Variants in RIMS1 observed in about 807,000 individuals in gnomAD.
RIMS1 encodes the protein regulating synaptic membrane exocytosis 1.
Under a neutral mutation model 214.1 loss-of-function variants are expected in RIMS1, and 83 were observed. That is an observed-to-expected ratio of 0.39 (90% CI 0.32 to 0.47). RIMS1 has a LOEUF of 0.47. Ranked by LOEUF, RIMS1 falls within the 20% of genes least tolerant of loss-of-function variation. RIMS1 has a pLI of 0.99. For missense variants in RIMS1, 2,050 were observed against 2,161.8 expected (o/e 0.95, Z 1.03); for synonymous variants, 793 against 786.8 (o/e 1.01, Z -0.13).
rs533832619 is a variant in RIMS1, at chr6:71,928,007, G to A, written c.164+40820G>A. ...ATGGTCTGCAGAAATTGTAGAAATC[G>A]GAATCTTACATTTTTCAAATAATAG... On this transcript the variant is annotated intron_variant, in intron 1 of 33. Transcript: ENST00000521978. Among the ~76,000 whole-genome samples, 36 of 152,076 alleles carry A rather than the reference G, an allele frequency of 2.4e-4. No homozygotes were observed. The South Asian group carries it at 6.2e-3, about 26-fold the overall frequency.
rs1447720282 is a variant in RIMS1, at chr6:72,252,755, G to A, written c.2699-6G>A. ...AGAAGTATCTCTTTGCCTTACTGTT[G>A]TGCAGGATCTCAGCGAATCAGTGAT... On this transcript the variant is annotated splice_region_variant and splice_polypyrimidine_tract_variant and intron_variant, in intron 15 of 33. Transcript: ENST00000521978. 2.6e-6 allele frequency: 4 copies of A among 1,556,354 alleles called. No homozygotes were observed. The highest frequency in any genetic ancestry group is 3.5e-6 in the Non-Finnish European group (4 of 1,148,696).
intron 1 of RIMS1, among the ~76,000 whole-genome samples, chr6:71,940,187 CT>C (rs1224353955): frequency 6.6e-5 from 10 of 152,164 alleles, no homozygotes; most frequent in Admixed American, 1.3e-4. Context: ...TTCTGGAATT[CT>C]TTCTTCCAAT....
intron 23 of RIMS1, among the ~76,000 whole-genome samples, chr6:72,282,184 A>T (rs1356374444): frequency 1.3e-5 from 2 of 152,116 alleles, no homozygotes; most frequent in Admixed American, 1.3e-4. Flanking sequence ...TGTGGGGACC[A>T]AGCATAAATT....
In RIMS1 at chr6:72,183,115, C is replaced by T. The variant is rs1233780402; in HGVS notation, c.1644C>T (p.Asp548=). Residue 548 remains aspartate, a synonymous_variant, in exon 6 of 34, where the codon GAC becomes GAT. Coordinates refer to ENST00000521978, the MANE Select transcript of RIMS1 (RefSeq NM_014989.7). The stretch of plus-strand genomic sequence containing the variant: ...CGCCCGAGTACACCAGCTGCGAGGA[C>T]GTGGAGCTGGAGAGCGAGAGCGTCA... ...VSTPEYTSCE[D]VELESESVSE... 6.3e-6 allele frequency: 10 copies of T among 1,591,670 alleles called. No individual in the cohort carries two copies. Among genetic ancestry groups the T allele is most frequent in the Admixed American group, 1.8e-5 (1 of 56,434 alleles).
intron 16 of RIMS1, among the ~76,000 whole-genome samples, chr6:72,256,024 GAA>G (rs60682826): frequency 0.68 from 67,987 of 100,480 alleles, 22,036 homozygotes; most frequent in East Asian, 0.93. Context: ...GACTCCATCT[GAA>G]AAAAAAAAAA....
At chr6:72,152,865 GTA>G (rs1296039943) in intron 4 of RIMS1, among the ~76,000 whole-genome samples, 1 of 85,412 alleles carries the variant, frequency 1.2e-5, no homozygotes, top group Non-Finnish European at 2.3e-5. Context: ...GTATATATAT[GTA>G]TATATATGGA....
intron 29 of RIMS1, among the ~76,000 whole-genome samples, chr6:72,337,400 A>G (rs1406510321): frequency 2.6e-5 from 4 of 151,784 alleles, no homozygotes; most frequent in Non-Finnish European, 5.9e-5. Context: ...AATTATACTA[A>G]TCAGTATCAT....
At chr6:72,245,221 A>T (rs1277748740) in intron 10 of RIMS1, among the ~76,000 whole-genome samples, 1 of 151,756 alleles carries the variant, frequency 6.6e-6, no homozygotes, top group Non-Finnish European at 1.5e-5. Flanking sequence ...CAGTATAGAG[A>T]TATGAATCTC....
intron 1 of RIMS1, among the ~76,000 whole-genome samples, chr6:71,923,065 C>T (rs753273040): frequency 6.6e-5 from 10 of 152,178 alleles, no homozygotes; most frequent in Non-Finnish European, 1.5e-4. Context: ...TTTCTCCTGT[C>T]CACTGTCAGG....
chr6:72,070,333 T>TA (rs1830310117), intron 2 of RIMS1, among the ~76,000 whole-genome samples: 1 of 152,180 alleles, frequency 6.6e-6, no homozygotes, highest in South Asian at 2.1e-4. Flanking sequence ...TATTATTACA[T>TA]TGATGAACTC....
intron 2 of RIMS1, among the ~76,000 whole-genome samples, chr6:71,972,618 A>T (rs929069620): frequency 2.0e-5 from 3 of 152,174 alleles, no homozygotes; most frequent in Non-Finnish European, 4.4e-5. Context: ...CTGAGTTGTC[A>T]TCACTTAATC....
chr6:72,121,116 G>A (rs2038204708), intron 4 of RIMS1, among the ~76,000 whole-genome samples: 1 of 151,802 alleles, frequency 6.6e-6, no homozygotes, highest in Non-Finnish European at 1.5e-5. Context: ...TTTTTACTTA[G>A]GATTGTCTTG....
intron 4 of RIMS1, among the ~76,000 whole-genome samples, chr6:72,159,144 G>A (rs1468267506): frequency 7.1e-6 from 1 of 140,932 alleles, no homozygotes; most frequent in African/African-American, 2.5e-5. Flanking sequence ...TTCTCTGATG[G>A]CCAGTGATGT....
At position 72,182,663 on chromosome 6, in the gene RIMS1, A is replaced by G; in HGVS notation, c.1192A>G (p.Thr398Ala). The G allele has an allele frequency of 6.8e-7, 1 of 1,467,594 alleles. No homozygotes were observed. Among genetic ancestry groups the G allele is most frequent in the Non-Finnish European group, 9.0e-7 (1 of 1,114,210 alleles). The allele number at this position is 1,467,594 out of a possible 1,614,324, so 90.9% of individuals were successfully genotyped here. Residue 398 changes from threonine (T) to alanine (A), a missense_variant, in exon 6 of 34, where the codon ACC (threonine) becomes GCC (alanine). Transcript: ENST00000521978. Reference sequence around the variant, plus strand: ...CCACAGCGACGTGGCGCTCCCGCGCACCGAGGCGGGCGCGGCGCTGCCGGA... The same window carrying G: ...CCACAGCGACGTGGCGCTCCCGCGCGCCGAGGCGGGCGCGGCGCTGCCGGA... ...RRHSDVALPR[T>A]EAGAALPEGK...
chr6:71,904,219 G>T (rs1264098785), intron 1 of RIMS1, among the ~76,000 whole-genome samples: 4 of 152,124 alleles, frequency 2.6e-5, no homozygotes, highest in Non-Finnish European at 5.9e-5. Context: ...GAGTAATTTG[G>T]ATTTGTTTTA....
At chr6:72,215,814 C>G (rs1433133768) in intron 6 of RIMS1, among the ~76,000 whole-genome samples, 1 of 152,092 alleles carries the variant, frequency 6.6e-6, no homozygotes, top group Non-Finnish European at 1.5e-5. Flanking sequence ...TTAGTCATTT[C>G]ATTTAAGGCT....
rs370032962 is a variant in RIMS1, at chr6:71,887,049, G to T, written c.26G>T (p.Gly9Val). 6.2e-7 allele frequency: 1 copy of T among 1,613,462 alleles called. No individual in the cohort carries two copies. Among genetic ancestry groups the T allele is most frequent in the Non-Finnish European group, 8.5e-7 (1 of 1,179,694 alleles). MSSAVGPR[G>V]PRPPTVPPPM... ...ATGTCCTCGGCCGTGGGGCCCCGCG[G>T]TCCTCGCCCACCCACGGTGCCTCCC... The change falls in exon 1 of 34, where the codon GGT becomes GTT. Residue 9 changes from glycine (G) to valine (V), a missense_variant. Gly to Val is a moderately radical substitution (Grantham distance 109). Coordinates refer to ENST00000521978, the MANE Select transcript of RIMS1 (RefSeq NM_014989.7).
chr6:72,369,690 A>G (rs760292437), intron 29 of RIMS1, among the ~76,000 whole-genome samples: 4 of 152,248 alleles, frequency 2.6e-5, no homozygotes, highest in Admixed American at 6.5e-5. Context: ...GCTACAAAAT[A>G]CCTTCACAGC....
chr6:72,138,557 C>T (rs1476300798), intron 4 of RIMS1, among the ~76,000 whole-genome samples: 1 of 152,038 alleles, frequency 6.6e-6, no homozygotes, highest in Middle Eastern at 3.2e-3. Flanking sequence ...GCTGAGAAGG[C>T]ATACACATCT....
Sources: gnomAD v4.1 joint callset for allele counts (sites outside exome capture counted in the v4.1 genomes callset) on GRCh38, gnomAD v4.1.1 for gene constraint, MANE v1.5 for transcripts, NCBI Gene and HGNC (gene_info 2026-07-23, HGNC 2026-07-21) for gene names.